Variants in PPP1R37 observed in about 807,000 individuals in gnomAD.
The protein encoded by PPP1R37 is leucine rich repeat containing 68.
Under a neutral mutation model 61.0 loss-of-function variants are expected in PPP1R37, and 21 were observed. The ratio of observed to expected loss-of-function variants is 0.34; its 90% confidence interval spans 0.24 to 0.50. The LOEUF (loss-of-function observed/expected upper bound fraction) is 0.50. Among genes scored for constraint, PPP1R37 ranks in the 20% least tolerant of loss-of-function variants. The pLI is 0.98. For synonymous variants in PPP1R37, 443 were observed against 433.5 expected, an observed-to-expected ratio of 1.02 and a Z score of -0.27; for missense variants, 910 against 952.7, an observed-to-expected ratio of 0.96 and a Z score of 0.59.
In PPP1R37 at chr19:45,093,377, A is replaced by G. The variant is rs75282681; in HGVS notation, c.52A>G (p.Ile18Val). ...GCCCGTGCCGGGCGCGGACGGCGAC[A>G]TTGAAGAGGCCCCAGCTGAGGCCGG... Reference protein sequence around the residue: ...APPVPGADGDIEEAPAEAGSP... With the variant: ...APPVPGADGDVEEAPAEAGSP... The change falls in exon 1 of 13, where the codon ATT becomes GTT. Residue 18 changes from isoleucine (I) to valine (V), a missense_variant. Coordinates refer to ENST00000221462, the MANE Select transcript of PPP1R37 (RefSeq NM_019121.2). 224,425 of 1,520,368 alleles carry G rather than the reference A, an allele frequency of 0.15. 18,267 individuals carry two copies. The highest frequency in any genetic ancestry group is 0.17 in the Middle Eastern group (1,022 of 5,900). The allele number at this position is 1,520,368 out of a possible 1,614,324, so 94.2% of individuals were successfully genotyped here. A position where few individuals can be genotyped will look rare whatever the true frequency, so the allele number is the denominator to read the frequency against.
chr19:45,106,807 CTTTTTTT>C (rs927426410), intron 1 of PPP1R37, among the ~76,000 whole-genome samples: 9 of 78,146 alleles, frequency 1.2e-4, no homozygotes, highest in African/African-American at 4.4e-4. Flanking sequence ...TGTTGAGCAT[CTTTTTTT>C]TTTTTTTTTT....
At chr19:45,115,406 C>T (rs558848227) in intron 1 of PPP1R37, among the ~76,000 whole-genome samples, 5 of 152,214 alleles carry the variant, frequency 3.3e-5, no homozygotes, top group South Asian at 2.1e-4. Context: ...CATCTCCCTG[C>T]GCCTCAGTTT....
chr19:45,110,116 CTTT>C (rs373508881), intron 1 of PPP1R37, among the ~76,000 whole-genome samples: 1 of 142,484 alleles, frequency 7.0e-6, no homozygotes, highest in Non-Finnish European at 1.5e-5. Flanking sequence ...TTCCCTTTTT[CTTT>C]TTTTTTTTTT....
chr19:45,140,411 C>T (rs1968594954), intron 3 of PPP1R37, 95 bp from the exon 4 acceptor site: 1 of 974,818 alleles, frequency 1.0e-6, no homozygotes. Context: ...AGGGGCTGGG[C>T]CTGGTGGGGG....
intron 1 of PPP1R37, among the ~76,000 whole-genome samples, chr19:45,123,361 G>T (rs975056976): frequency 6.6e-6 from 1 of 152,164 alleles, no homozygotes. Flanking sequence ...AGAAACCTAC[G>T]AGCGCATCCT....
intron 1 of PPP1R37, among the ~76,000 whole-genome samples, chr19:45,118,778 C>T (rs1000281863): frequency 2.0e-5 from 3 of 152,104 alleles, no homozygotes; most frequent in Non-Finnish European, 2.9e-5. Context: ...TCCTTTAGCC[C>T]ACGTTCACTG....
At chr19:45,135,346 C>T (rs1968525979) in intron 1 of PPP1R37, among the ~76,000 whole-genome samples, 1 of 152,246 alleles carries the variant, frequency 6.6e-6, no homozygotes, top group South Asian at 2.1e-4. Flanking sequence ...CAGCTCTGGG[C>T]CAGCCTCCTC....
intron 1 of PPP1R37, chr19:45,136,170 G>T (rs1031633913): frequency 6.6e-6 from 1 of 152,194 alleles, no homozygotes; most frequent in African/African-American, 2.4e-5. Flanking sequence ...CTTCCTCACT[G>T]AATTGACATG....
chr19:45,105,701 T>C (rs1968121868), intron 1 of PPP1R37, among the ~76,000 whole-genome samples: 1 of 152,182 alleles, frequency 6.6e-6, no homozygotes, highest in African/African-American at 2.4e-5. Context: ...GGCCCGGTTC[T>C]GCCTACTATG....
chr19:45,110,373 C>G (rs1363453676), intron 1 of PPP1R37, among the ~76,000 whole-genome samples: 2 of 152,126 alleles, frequency 1.3e-5, no homozygotes, highest in Non-Finnish European at 2.9e-5. Context: ...GCCTTGGCCT[C>G]CGAGAGTGCT....
intron 1 of PPP1R37, among the ~76,000 whole-genome samples, chr19:45,128,250 A>G (rs910559237): frequency 1.3e-5 from 2 of 152,198 alleles, no homozygotes; most frequent in Non-Finnish European, 2.9e-5. Flanking sequence ...TTAGCTAATG[A>G]CAATCCACAG....
Position 45,145,013 on chromosome 19 carries a change from G to A in PPP1R37, c.1129+18G>A, listed in dbSNP as rs989884232. ...GTGCGAGGGTAGGGTACGGGGCCGG[G>A]CCAGGGTGCGGGCTGGTGGGCTCAG... On this transcript the variant is annotated intron_variant, in intron 9 of 12. Transcript: ENST00000221462. The A allele has an allele frequency of 1.4e-5, 22 of 1,530,026 alleles. No individual in the cohort carries two copies. The African/African-American group carries it at 2.8e-4, about 19-fold the overall frequency. 94.8% of individuals were successfully genotyped at this position (1,530,026 alleles called of 1,614,324 possible).
At position 45,145,471 on chromosome 19, in the gene PPP1R37, C is replaced by T. The variant is rs529396270; in HGVS notation, c.1415C>T (p.Ala472Val). Residue 472 changes from alanine to valine, a missense_variant, in exon 11 of 13, where the codon GCC (alanine) becomes GTC (valine). Physicochemically the swap from Ala to Val is moderately conservative, Grantham distance 64 (BLOSUM62 0). Coordinates refer to ENST00000221462, the MANE Select transcript of PPP1R37 (RefSeq NM_019121.2). Reference protein sequence around the residue: ...EEKEQPPQLSASMPETTATEP... With the variant: ...EEKEQPPQLSVSMPETTATEP... Reference sequence around the variant, plus strand: ...AAGGAGCAGCCGCCACAGCTGTCGGCCTCCATGCCTGAGACCACCGCCACC... The same window carrying T: ...AAGGAGCAGCCGCCACAGCTGTCGGTCTCCATGCCTGAGACCACCGCCACC... 342 of 1,534,984 alleles carry T rather than the reference C, an allele frequency of 2.2e-4. 4 individuals carry two copies. The Admixed American group carries it at 6.5e-3, about 29-fold the overall frequency.
intron 1 of PPP1R37, among the ~76,000 whole-genome samples, chr19:45,133,964 T>C (rs1968508320): frequency 6.6e-6 from 1 of 152,202 alleles, no homozygotes; most frequent in Non-Finnish European, 1.5e-5. Context: ...ATGTGGTTAG[T>C]GCTCAGTACG....
intron 4 of PPP1R37, 118 bp downstream of exon 4, chr19:45,140,724 C>A: frequency 1.4e-6 from 1 of 725,172 alleles, no homozygotes; most frequent in Non-Finnish European, 2.3e-6. Flanking sequence ...TGAGGGGTGG[C>A]GCAAGGGCGG....
At chr19:45,114,575 C>T (rs879611869) in intron 1 of PPP1R37, among the ~76,000 whole-genome samples, 1 of 152,222 alleles carries the variant, frequency 6.6e-6, no homozygotes, top group Admixed American at 6.5e-5. Context: ...TGCAGACACC[C>T]CAAATAGGCA....
At chr19:45,109,298 T>C (rs560950279) in intron 1 of PPP1R37, among the ~76,000 whole-genome samples, 37 of 152,124 alleles carry the variant, frequency 2.4e-4, no homozygotes, top group Non-Finnish European at 3.7e-4. Context: ...TTTCACCGAG[T>C]CATCATAGCA....
rs530733443 is a variant in PPP1R37, at chr19:45,117,050, C to T, written c.203-21464C>T. ...GTCTCAGCCTCCCAAGTATCTGGGA[C>T]TACAGGCACGTGTCACCACACCCGG... On this transcript the variant is annotated intron_variant, in intron 1 of 12. Transcript: ENST00000221462. Among the ~76,000 whole-genome samples, 534 of 152,002 alleles carry T rather than the reference C, an allele frequency of 3.5e-3. 4 individuals are homozygous for T. Among genetic ancestry groups the T allele is most frequent in the African/African-American group, 0.012 (510 of 41,424 alleles).
At position 45,117,227 on chromosome 19, in the gene PPP1R37, G is replaced by C. The variant is rs986212173; in HGVS notation, c.203-21287G>C. 3.3e-5 allele frequency among the ~76,000 whole-genome samples: 5 copies of C among 152,148 alleles called. No homozygotes were observed. In the East Asian group the frequency reaches 7.8e-4, roughly 24 times the overall value. The stretch of plus-strand genomic sequence containing the variant: ...TGCGCCTGGCCAGGAGGTGACTTTC[G>C]AGTTGAGATCTGAATGGCAAGTCAG... On this transcript the variant is annotated intron_variant, in intron 1 of 12. Transcript: ENST00000221462.
Sources: gnomAD v4.1 joint callset for allele counts (sites outside exome capture counted in the v4.1 genomes callset) on GRCh38, gnomAD v4.1.1 for gene constraint, MANE v1.5 for transcripts, NCBI Gene and HGNC (gene_info 2026-07-23, HGNC 2026-07-21) for gene names.